Variants in RFC4 observed in about 807,000 individuals in gnomAD.
The protein encoded by RFC4 is A1 37 kDa subunit.
Under a neutral mutation model 47.6 loss-of-function variants are expected in RFC4, and 38 were observed. That is an observed-to-expected ratio of 0.80 (90% CI 0.62 to 1.05). The LOEUF (loss-of-function observed/expected upper bound fraction) is 1.05, where lower values mean the gene tolerates loss of function less well. RFC4 is among the 50% of genes least tolerant of loss of function. The pLI is 0.00. For synonymous variants in RFC4, 164 were observed against 150.0 expected (o/e 1.09, Z -0.68); for missense variants, 489 against 434.0 (o/e 1.13, Z -1.13).
rs3917107 is a variant in RFC4, at chr3:186,801,328, T to A, written c.132-133A>T. ...AGCAATGAAATGAGAAACTTTTTCA[T>A]AATCGGAAATAGGTGGAAACCCCAC... On this transcript the variant is annotated intron_variant, in intron 2 of 10. Coordinates refer to ENST00000296273, the MANE Select transcript of RFC4 (RefSeq NM_002916.5). 1,787 of 670,590 alleles carry A rather than the reference T, an allele frequency of 2.7e-3. 30 individuals are homozygous for A. The African/African-American group carries it at 0.029, about 11-fold the overall frequency. 41.5% of individuals were successfully genotyped at this position (670,590 alleles called of 1,614,324 possible).
At chr3:186,791,008 A>T (rs1408149610) in intron 8 of RFC4, among the ~76,000 whole-genome samples, 88 of 152,214 alleles carry the variant, frequency 5.8e-4, no homozygotes, top group Non-Finnish European at 2.9e-5. Flanking sequence ...AGTAGTAGTG[A>T]TTCTGAAGTG....
rs1251224892 is a variant in RFC4 at position 186,797,576 on chromosome 3, T to C, written c.249A>G (p.Gly83=). The C allele has an allele frequency of 1.2e-6, 2 of 1,612,358 alleles. No homozygotes were observed. Among genetic ancestry groups the C allele is most frequent in the Non-Finnish European group, 1.7e-6 (2 of 1,178,856 alleles). The change falls in exon 4 of 11, where the codon GGA becomes GGG. Residue 83 remains glycine (G), a synonymous_variant. Transcript: ENST00000296273. ...NLLFYGPPGT[G]KTSTILAAAR... ...CTGCTGCCAAAATAGTGGATGTTTTTCCAGTTCCAGGTGGTCCGTAAAACA... is the reference window on the plus strand; with the variant it reads ...CTGCTGCCAAAATAGTGGATGTTTTCCCAGTTCCAGGTGGTCCGTAAAACA...
chr3:186,804,798 G>A (rs532098036), intron 1 of RFC4, 74 bp from the exon 2 acceptor site: 2 of 1,445,160 alleles, frequency 1.4e-6, no homozygotes, highest in Admixed American at 2.0e-5. Flanking sequence ...TAGGAAAGCG[G>A]GGGTGGTGGT....
At chr3:186,804,338 A>G (rs552006511) in intron 2 of RFC4, among the ~76,000 whole-genome samples, 1 of 152,220 alleles carries the variant, frequency 6.6e-6, no homozygotes, top group South Asian at 2.1e-4. Context: ...CCCAGCCCCT[A>G]AAATGGAAGC....
At chr3:186,791,133 T>C (rs964631341) in intron 8 of RFC4, among the ~76,000 whole-genome samples, 1 of 152,230 alleles carries the variant, frequency 6.6e-6, no homozygotes, top group East Asian at 1.9e-4. Context: ...ATAGTTTTCA[T>C]GTATAAGAAC....
rs1397283841 is a variant in RFC4, at chr3:186,797,580, G to C, written c.245C>G (p.Thr82Ser). 9 of 1,611,602 alleles carry C rather than the reference G, an allele frequency of 5.6e-6. No individual in the cohort carries two copies. Among genetic ancestry groups the C allele is most frequent in the African/African-American group, 4.0e-5 (3 of 74,962 alleles). Residue 82 changes from threonine to serine, a missense_variant, in exon 4 of 11, where the codon ACT becomes AGT. Transcript: ENST00000296273. ...PNLLFYGPPG[T>S]GKTSTILAAA... ...TGCCAAAATAGTGGATGTTTTTCCA[G>C]TTCCAGGTGGTCCGTAAAACAAGAG...
intron 3 of RFC4, among the ~76,000 whole-genome samples, chr3:186,799,410 T>C (rs748019261): frequency 1.5e-4 from 23 of 152,242 alleles, no homozygotes; most frequent in South Asian, 4.1e-4. Flanking sequence ...ACTGAAGTTC[T>C]TACTTCAGCC....
chr3:186,790,562 C>T (rs1007640187), intron 8 of RFC4, among the ~76,000 whole-genome samples, 156 bp from the exon 9 acceptor site: 1 of 152,224 alleles, frequency 6.6e-6, no homozygotes, highest in African/African-American at 2.4e-5. Flanking sequence ...GCCAGAGTAA[C>T]TCCAGTCACC....
At chr3:186,805,088 G>GT (rs1722448435) in intron 1 of RFC4, among the ~76,000 whole-genome samples, 1 of 152,192 alleles carries the variant, frequency 6.6e-6, no homozygotes, top group Non-Finnish European at 1.5e-5. Context: ...GGCCTCCATG[G>GT]TTTCTTTCAC....
rs181497505 is a variant in RFC4, at chr3:186,801,054, A to G, written c.210+63T>C. The G allele has an allele frequency of 1.0e-4, 121 of 1,208,022 alleles. 1 individual carries two copies. The highest frequency in any genetic ancestry group is 9.3e-4 in the Admixed American group (55 of 59,154). The allele number at this position is 1,208,022 out of a possible 1,614,324, so 74.8% of individuals were successfully genotyped here. A position where few individuals can be genotyped will look rare whatever the true frequency, so the allele number is the denominator to read the frequency against. On this transcript the variant is annotated intron_variant, in intron 3 of 10. Coordinates refer to ENST00000296273, the MANE Select transcript of RFC4 (RefSeq NM_002916.5). ...CGAGGGCTAGAAGTTATAAAGGAAGAAAGAGGGTGAATAAATTAAGTCTTA... is the reference window on the plus strand; with the variant it reads ...CGAGGGCTAGAAGTTATAAAGGAAGGAAGAGGGTGAATAAATTAAGTCTTA...
rs1722178387 is a variant in RFC4 at position 186,793,169 on chromosome 3, C to T, written c.411-222G>A. 6.6e-6 allele frequency among the ~76,000 whole-genome samples: 1 copy of T among 152,180 alleles called. No individual in the cohort carries two copies. The highest frequency in any genetic ancestry group is 6.5e-5 in the Admixed American group (1 of 15,286). ...GTACCTATTAGGAGTCACTCTTCTT[C>T]CCCCAGTCATTCCCAGCTCTAGGCA... On this transcript the variant is annotated intron_variant, in intron 5 of 10. Coordinates refer to ENST00000296273, the MANE Select transcript of RFC4 (RefSeq NM_002916.5). The surrounding 1 kb of genome is among the most constrained non-coding windows in gnomAD (Gnocchi z 4.2).
intron 8 of RFC4, 95 bp from the exon 9 acceptor site, chr3:186,790,501 C>T (rs570443484): frequency 1.2e-6 from 1 of 854,446 alleles, no homozygotes; most frequent in African/African-American, 1.7e-5. Context: ...CATTTCTGTT[C>T]CACACCTAAG....
intron 4 of RFC4, among the ~76,000 whole-genome samples, chr3:186,795,387 T>C (rs1377224327): frequency 1.3e-5 from 2 of 152,264 alleles, no homozygotes; most frequent in East Asian, 1.9e-4. Context: ...TTAATAGTCA[T>C]ATGATATTCC....
chr3:186,789,966 ACG>A lies in RFC4; in HGVS notation c.*1_*2del. The stretch of plus-strand genomic sequence containing the variant: ...CAAAACCCCCCATCCAGATATATTC[ACG>A]TTAACAATTCTGAGATAACTGCTGC... On this transcript the variant is annotated 3_prime_UTR_variant, in exon 11 of 11. Transcript: ENST00000296273. 1.3e-6 allele frequency: 2 copies of A among 1,579,366 alleles called. No homozygotes were observed. Among genetic ancestry groups the A allele is most frequent in the Non-Finnish European group, 1.7e-6 (2 of 1,149,104 alleles).
At chr3:186,798,590 T>C (rs1351675651) in intron 3 of RFC4, among the ~76,000 whole-genome samples, 14 of 152,134 alleles carry the variant, frequency 9.2e-5, no homozygotes, top group Non-Finnish European at 1.9e-4. Context: ...AGGACTTCCA[T>C]GATCTGCCTA....
rs1448981039 is a variant in RFC4, at chr3:186,794,658, T to C, written c.410A>G (p.Asp137Gly). Residue 137 changes from aspartate (D) to glycine (G), a missense_variant and splice_region_variant, in exon 5 of 11, where the codon GAT becomes GGT. Physicochemically the swap from Asp to Gly is moderately conservative, Grantham distance 94. This residue lies in a region of RFC4 where 206 missense variants were observed against 257.8 expected (regional missense o/e 0.80). Transcript: ENST00000296273. ...AQLTVSGSRS[D>G]GKPCPPFKIV... ...GAGGAGGGAGGGCAAATTTACTTAC[T>C]CTGAGCGACTTCCTGACACAGTTAA... 1.2e-6 allele frequency: 2 copies of C among 1,613,482 alleles called. No individual in the cohort carries two copies. Among genetic ancestry groups the C allele is most frequent in the Non-Finnish European group, 1.7e-6 (2 of 1,179,812 alleles).
Position 186,804,803 on chromosome 3 carries a change from G to A in RFC4, c.-11-79C>T, listed in dbSNP as rs1248906011. On this transcript the variant is annotated intron_variant, in intron 1 of 10. Transcript: ENST00000296273. ...ATCAGCACCATAGGAAAGCGGGGGTGGTGGTGGGGAACCATTATGAGAAAG... is the reference window on the plus strand; with the variant it reads ...ATCAGCACCATAGGAAAGCGGGGGTAGTGGTGGGGAACCATTATGAGAAAG... The A allele has an allele frequency of 4.4e-6, 6 of 1,378,160 alleles. No homozygotes were observed. In the African/African-American group the frequency reaches 7.2e-5, roughly 17 times the overall value. The allele number at this position is 1,378,160 out of a possible 1,614,324, so 85.4% of individuals were successfully genotyped here. A position where few individuals can be genotyped will look rare whatever the true frequency, so the allele number is the denominator to read the frequency against.
Position 186,790,268 on chromosome 3 carries a change from A to G in RFC4, c.883-13T>C. 2 of 1,611,850 alleles carry G rather than the reference A, an allele frequency of 1.2e-6. No homozygotes were observed. Among genetic ancestry groups the G allele is most frequent in the Non-Finnish European group, 1.7e-6 (2 of 1,178,170 alleles). On this transcript the variant is annotated splice_polypyrimidine_tract_variant and intron_variant, in intron 9 of 10. Coordinates refer to ENST00000296273, the MANE Select transcript of RFC4 (RefSeq NM_002916.5). ...CATCTATTAAATCCTATAATAAAAAAAACTTTTGGTATGATGACTTAATAT... is the reference window on the plus strand; with the variant it reads ...CATCTATTAAATCCTATAATAAAAAGAACTTTTGGTATGATGACTTAATAT...
At chr3:186,794,079 A>T (rs1417927829) in intron 5 of RFC4, among the ~76,000 whole-genome samples, 1 of 152,102 alleles carries the variant, frequency 6.6e-6, no homozygotes, top group Non-Finnish European at 1.5e-5. Flanking sequence ...AAAGTTCTTC[A>T]TATGTTCTAG....
Sources: allele counts gnomAD v4.1 joint callset (sites outside exome capture counted in the v4.1 genomes callset), GRCh38; gene constraint gnomAD v4.1.1; regional missense constraint gnomAD v4.1.1; non-coding constraint Gnocchi (gnomAD v3.1); transcripts MANE v1.5; gene names NCBI Gene and HGNC (gene_info 2026-07-23, HGNC 2026-07-21).